The following FUT9 variants were observed in gnomAD, a reference collection of about 807,000 sequenced individuals.
FUT9 encodes the protein fucosyltransferase 9.
Under a neutral mutation model 29.7 loss-of-function variants are expected in FUT9, and 15 were observed. The observed-to-expected ratio is 0.51, with a 90% CI of 0.34 to 0.78. The LOEUF is 0.78. Among genes scored for constraint, FUT9 ranks in the 30% least tolerant of loss-of-function variants. The pLI is 0.01. For synonymous variants in FUT9, 169 were observed against 153.7 expected (o/e 1.10, Z -0.74); for missense variants, 319 against 425.4 (o/e 0.75, Z 2.20).
intron 2 of FUT9, among the ~76,000 whole-genome samples, chr6:96,171,815 T>C (rs112677186): frequency 3.3e-5 from 5 of 152,298 alleles, no homozygotes; most frequent in African/African-American, 1.2e-4. Flanking sequence ...ATCCTAACCC[T>C]AACCCTTAAG....
In FUT9 at chr6:96,214,724, G is replaced by A. The variant is rs906489695; in HGVS notation, c.*10489G>A. The A allele has an allele frequency of 1.1e-4, 18 of 166,880 alleles. No homozygotes were observed. Among genetic ancestry groups the A allele is most frequent in the Non-Finnish European group, 2.9e-5 (2 of 68,052 alleles). The allele number at this position is 166,880 out of a possible 1,614,324, so 10.3% of individuals were successfully genotyped here. Reference sequence around the variant, plus strand: ...CATGGTAATATATTAAGGCTGGAACGTAGCTCTTAGTGACTTAAAACATGA... The same window carrying A: ...CATGGTAATATATTAAGGCTGGAACATAGCTCTTAGTGACTTAAAACATGA... On this transcript the variant is annotated 3_prime_UTR_variant, in exon 3 of 3. Coordinates refer to ENST00000302103, the MANE Select transcript of FUT9 (RefSeq NM_006581.4).
In FUT9 at chr6:96,064,209, T is replaced by C. The variant is rs139819393; in HGVS notation, c.-98+47997T>C. Among the ~76,000 whole-genome samples the C allele has an allele frequency of 3.0e-3, 456 of 152,284 alleles. 1 individual carries two copies. The highest frequency in any genetic ancestry group is 0.01 in the African/African-American group (428 of 41,556). Reference sequence around the variant, plus strand: ...TGATAAAGAACTCATCCTGCACCTATTATTAATGTTATTACCATGGTATTC... The same window carrying C: ...TGATAAAGAACTCATCCTGCACCTACTATTAATGTTATTACCATGGTATTC... On this transcript the variant is annotated intron_variant, in intron 1 of 2. Coordinates refer to ENST00000302103, the MANE Select transcript of FUT9 (RefSeq NM_006581.4).
At chr6:96,129,643 C>T (rs1772205011) in intron 2 of FUT9, among the ~76,000 whole-genome samples, 1 of 151,770 alleles carries the variant, frequency 6.6e-6, no homozygotes, top group Non-Finnish European at 1.5e-5. Context: ...CACACTGAAA[C>T]AAAAGTGGTT....
intron 1 of FUT9, among the ~76,000 whole-genome samples, chr6:96,023,242 G>C (rs981621172): frequency 3.9e-5 from 6 of 151,920 alleles, no homozygotes; most frequent in African/African-American, 1.2e-4. Context: ...CTACCAGAAG[G>C]ATTAAACATT....
chr6:96,078,944 AAAG>A (rs1276736567), intron 1 of FUT9, among the ~76,000 whole-genome samples: 32 of 152,160 alleles, frequency 2.1e-4, no homozygotes, highest in African/African-American at 7.5e-4. Flanking sequence ...CTGTTTCTGA[AAAG>A]AAGACTCCTT....
intron 1 of FUT9, among the ~76,000 whole-genome samples, chr6:96,085,367 C>A (rs947190370): frequency 1.1e-4 from 17 of 152,206 alleles, no homozygotes; most frequent in Non-Finnish European, 2.2e-4. Flanking sequence ...CAGCTTCTAA[C>A]TGCGTCCTTG....
chr6:96,169,692 T>C (rs1773077551), intron 2 of FUT9, among the ~76,000 whole-genome samples: 1 of 152,166 alleles, frequency 6.6e-6, no homozygotes, highest in African/African-American at 2.4e-5. Flanking sequence ...GGCAGTATAA[T>C]TAAGCCTTTG....
intron 1 of FUT9, among the ~76,000 whole-genome samples, chr6:96,018,582 A>G (rs544971279): frequency 6.6e-6 from 1 of 152,280 alleles, no homozygotes; most frequent in Admixed American, 6.5e-5. Context: ...ATCTTTGAGT[A>G]CCATTGAACT....
chr6:96,036,960 A>T (rs902580123), intron 1 of FUT9: 5 of 152,026 alleles, frequency 3.3e-5, no homozygotes, highest in Non-Finnish European at 7.4e-5. Context: ...TCTTAAGTAA[A>T]CTCCTACTCT....
chr6:96,044,461 C>T (rs1770523285), intron 1 of FUT9, among the ~76,000 whole-genome samples: 2 of 152,204 alleles, frequency 1.3e-5, no homozygotes, highest in Non-Finnish European at 2.9e-5. Context: ...CTAAAGTAAA[C>T]ACAAAACATA....
At chr6:96,139,646 T>C (rs988210520) in intron 2 of FUT9, among the ~76,000 whole-genome samples, 1 of 152,164 alleles carries the variant, frequency 6.6e-6, no homozygotes, top group Non-Finnish European at 1.5e-5. Context: ...TGAAATCTAG[T>C]TGGAGGTTCC....
chr6:96,152,546 T>C lies in FUT9; in HGVS notation c.-9+38419T>C, dbSNP rs189295567. Among the ~76,000 whole-genome samples, 115 of 152,328 alleles carry C rather than the reference T, an allele frequency of 7.5e-4. 1 individual carries two copies. In the Middle Eastern group the frequency reaches 0.01, roughly 14 times the overall value. On this transcript the variant is annotated intron_variant, in intron 2 of 2. Coordinates refer to ENST00000302103, the MANE Select transcript of FUT9 (RefSeq NM_006581.4). The stretch of plus-strand genomic sequence containing the variant: ...AAATATTTTTTGAATAAATGAATCA[T>C]TGGAGTGGGGCTTGAAAAATCTGGA...
At chr6:96,082,263 T>C (rs948774850) in intron 1 of FUT9, among the ~76,000 whole-genome samples, 1 of 151,840 alleles carries the variant, frequency 6.6e-6, no homozygotes, top group African/African-American at 2.4e-5. Flanking sequence ...TTCTATATTG[T>C]CCTCTAAAGC....
intron 1 of FUT9, among the ~76,000 whole-genome samples, chr6:96,095,222 G>A (rs1411189731): frequency 1.3e-5 from 2 of 152,042 alleles, no homozygotes; most frequent in Non-Finnish European, 2.9e-5. Context: ...CCTTTAAAGA[G>A]CATCTCCTAT....
At chr6:96,177,012 C>G (rs774843606) in intron 2 of FUT9, among the ~76,000 whole-genome samples, 29 of 152,146 alleles carry the variant, frequency 1.9e-4, no homozygotes, top group Non-Finnish European at 4.0e-4. Context: ...GGAGAACTGT[C>G]TCAAGATCTC....
chr6:96,022,854 G>A (rs2127922154), intron 1 of FUT9, among the ~76,000 whole-genome samples: 1 of 151,998 alleles, frequency 6.6e-6, no homozygotes, highest in Non-Finnish European at 1.5e-5. Flanking sequence ...CTTTTCAAAT[G>A]AGGTGTACCT....
intron 2 of FUT9, among the ~76,000 whole-genome samples, chr6:96,129,293 CAAACAA>C (rs1255708670): frequency 2.0e-4 from 2 of 10,158 alleles, no homozygotes; most frequent in Non-Finnish European, 5.8e-4. Flanking sequence ...AAAAAAAAAA[CAAACAA>C]CCAGCCATGG....
intron 1 of FUT9, among the ~76,000 whole-genome samples, chr6:96,070,666 G>A (rs996459812): frequency 5.9e-5 from 9 of 152,068 alleles, no homozygotes; most frequent in African/African-American, 1.2e-4. Flanking sequence ...CAGCCTGAGC[G>A]ACAGAGGAAA....
chr6:96,089,864 G>A (rs1038967550), intron 1 of FUT9, among the ~76,000 whole-genome samples: 3 of 152,066 alleles, frequency 2.0e-5, no homozygotes, highest in African/African-American at 7.2e-5. Context: ...TACAGTTTAA[G>A]GTAGAAATAA....
Sources: gnomAD v4.1 joint callset for allele counts (sites outside exome capture counted in the v4.1 genomes callset) on GRCh38, gnomAD v4.1.1 for gene constraint, MANE v1.5 for transcripts, NCBI Gene and HGNC (gene_info 2026-07-23, HGNC 2026-07-21) for gene names.